The following SPON1 variants were observed in gnomAD, a reference collection of about 807,000 sequenced individuals.
SPON1 encodes spondin 1.
A neutral mutation model predicts 111.7 loss-of-function variants in SPON1; 52 were observed. The ratio of observed to expected loss-of-function variants is 0.47; its 90% confidence interval spans 0.37 to 0.59. The LOEUF is 0.59. Ranked by LOEUF, SPON1 falls within the 20% of genes least tolerant of loss-of-function variation. SPON1 has a pLI of 0.00. For missense variants in SPON1, 957 were observed against 1,068.5 expected, an observed-to-expected ratio of 0.90 and a Z score of 1.46; for synonymous variants, 410 against 395.8, an observed-to-expected ratio of 1.04 and a Z score of -0.43.
At chr11:14,229,926 G>C (rs912361264) in intron 6 of SPON1, among the ~76,000 whole-genome samples, 2 of 149,006 alleles carry the variant, frequency 1.3e-5, no homozygotes, top group South Asian at 2.2e-4. Context: ...CTGTGTGTGT[G>C]TGTCTGTCTG....
intron 6 of SPON1, among the ~76,000 whole-genome samples, chr11:14,156,467 T>C (rs1847847655): frequency 6.8e-6 from 1 of 146,464 alleles, no homozygotes; most frequent in South Asian, 2.3e-4. Flanking sequence ...TGATGGTAGT[T>C]TCTTTTGCTC....
At chr11:14,127,914 G>A (rs116558711) in intron 5 of SPON1, among the ~76,000 whole-genome samples, 1,786 of 152,252 alleles carry the variant, frequency 0.012, 28 homozygotes, top group African/African-American at 0.041. Context: ...CAAGAGTAAA[G>A]GGGAAACTGC....
intron 6 of SPON1, among the ~76,000 whole-genome samples, chr11:14,240,521 A>C (rs1554939553): frequency 6.6e-6 from 1 of 151,570 alleles, no homozygotes; most frequent in African/African-American, 2.4e-5. Flanking sequence ...AATAAATGGT[A>C]ATGTAGGTTC....
chr11:14,143,930 G>A (rs1379313500), intron 6 of SPON1, among the ~76,000 whole-genome samples: 1 of 152,122 alleles, frequency 6.6e-6, no homozygotes, highest in Non-Finnish European at 1.5e-5. Flanking sequence ...GCACTGTTAA[G>A]GCCACTTATT....
At position 14,247,288 on chromosome 11, in the gene SPON1, T is replaced by G. The variant is rs182674159; in HGVS notation, c.890+3892T>G. Among the ~76,000 whole-genome samples the G allele has an allele frequency of 4.8e-3, 725 of 152,258 alleles. 7 individuals are homozygous for G. The highest frequency in any genetic ancestry group is 7.3e-3 in the Non-Finnish European group (495 of 68,024). The stretch of plus-strand genomic sequence containing the variant: ...AGCCAGGCGTGGTGGCTTGTGCCTG[T>G]GGTCTCAGCTACCTGGGAGGCTGAG... On this transcript the variant is annotated intron_variant, in intron 7 of 15. Transcript: ENST00000576479.
At position 14,136,974 on chromosome 11, in the gene SPON1, T is replaced by C. The variant is rs1399505668; in HGVS notation, c.825+1406T>C. Reference sequence around the variant, plus strand: ...GGTTCACATTCCCAGTTCTCAAGTATGGAATTATGCCTCCCTGATTTGTCA... The same window carrying C: ...GGTTCACATTCCCAGTTCTCAAGTACGGAATTATGCCTCCCTGATTTGTCA... On this transcript the variant is annotated intron_variant, in intron 6 of 15. Coordinates refer to ENST00000576479, the MANE Select transcript of SPON1 (RefSeq NM_006108.4). Among the ~76,000 whole-genome samples, 3 of 152,188 alleles carry C rather than the reference T, an allele frequency of 2.0e-5. No homozygotes were observed. The East Asian group carries it at 5.8e-4, about 29-fold the overall frequency.
chr11:14,137,386 G>A (rs1847604950), intron 6 of SPON1, among the ~76,000 whole-genome samples: 2 of 152,144 alleles, frequency 1.3e-5, no homozygotes, highest in South Asian at 2.1e-4. Context: ...GCTGGCTAGT[G>A]TTTCAGACAA....
chr11:14,079,869 C>G (rs1554921865), intron 4 of SPON1, 30 bp from the exon 5 acceptor site: 4 of 1,613,516 alleles, frequency 2.5e-6, no homozygotes, highest in African/African-American at 1.3e-5. Flanking sequence ...CGTTTACTTT[C>G]TAACTTGGTG....
intron 5 of SPON1, among the ~76,000 whole-genome samples, chr11:14,126,069 G>C (rs1339722294): frequency 4.6e-5 from 7 of 152,194 alleles, no homozygotes; most frequent in Non-Finnish European, 1.0e-4. Context: ...TCCAGGGAGA[G>C]TCTGCCTTTT....
intron 6 of SPON1, among the ~76,000 whole-genome samples, chr11:14,241,065 T>C (rs1355156702): frequency 1.0e-5 from 1 of 98,892 alleles, no homozygotes; most frequent in Non-Finnish European, 2.2e-5. Flanking sequence ...GAAAGCTAAA[T>C]ATAATGCCTG....
At chr11:14,205,383 T>C (rs1848507099) in intron 6 of SPON1, among the ~76,000 whole-genome samples, 1 of 152,168 alleles carries the variant, frequency 6.6e-6, no homozygotes, top group South Asian at 2.1e-4. Context: ...CAATAAATAT[T>C]TGATGGATGG....
chr11:14,229,533 C>G (rs1848772926), intron 6 of SPON1, among the ~76,000 whole-genome samples: 5 of 152,208 alleles, frequency 3.3e-5, no homozygotes, highest in East Asian at 1.9e-4. Flanking sequence ...AGAGGCACCC[C>G]CTTCATTACT....
intron 5 of SPON1, among the ~76,000 whole-genome samples, chr11:14,118,140 G>A (rs1528648): frequency 0.76 from 116,172 of 152,164 alleles, 44,876 homozygotes; most frequent in African/African-American, 0.88. Context: ...AAAACAAAGC[G>A]AAGTTGTTTA....
At chr11:14,165,387 T>C (rs530303965) in intron 6 of SPON1, among the ~76,000 whole-genome samples, 44 of 152,098 alleles carry the variant, frequency 2.9e-4, no homozygotes, top group Non-Finnish European at 4.4e-4. Context: ...GGAGATGTAG[T>C]GGGAATGGGA....
intron 15 of SPON1, 41 bp downstream of exon 15, chr11:14,263,016 G>A (rs782462182): frequency 1.9e-6 from 3 of 1,597,366 alleles, no homozygotes; most frequent in Non-Finnish European, 2.6e-6. Context: ...CTCCAGGACA[G>A]GCAGGGTTCT....
chr11:13,964,662 T>C (rs1182851666), intron 1 of SPON1, among the ~76,000 whole-genome samples: 4 of 152,184 alleles, frequency 2.6e-5, no homozygotes, highest in Non-Finnish European at 5.9e-5. Flanking sequence ...AGAAAGATTC[T>C]GGGCGGAGAA....
intron 6 of SPON1, among the ~76,000 whole-genome samples, chr11:14,238,651 A>G (rs1848891637): frequency 6.6e-6 from 1 of 152,068 alleles, no homozygotes. Context: ...TTTTCATTCC[A>G]CATGAACCCG....
chr11:14,144,403 G>T (rs577025716), intron 6 of SPON1, among the ~76,000 whole-genome samples: 6 of 152,072 alleles, frequency 3.9e-5, no homozygotes, highest in Non-Finnish European at 8.8e-5. Flanking sequence ...GCCAAGGCAG[G>T]CAGATCACTT....
intron 14 of SPON1, among the ~76,000 whole-genome samples, chr11:14,261,331 T>C (rs72632971): frequency 0.052 from 7,977 of 152,258 alleles, 286 homozygotes; most frequent in East Asian, 0.13. Flanking sequence ...TGGCTGGTCT[T>C]CCAAGAGCTG....
Sources: gnomAD v4.1 joint callset for allele counts (sites outside exome capture counted in the v4.1 genomes callset) on GRCh38, gnomAD v4.1.1 for gene constraint, MANE v1.5 for transcripts, NCBI Gene and HGNC (gene_info 2026-07-23, HGNC 2026-07-21) for gene names.